Variants in SUCLA2 observed in about 807,000 individuals in gnomAD.
SUCLA2 encodes the protein succinate-CoA ligase ADP-forming subunit beta.
Under a neutral mutation model 54.8 loss-of-function variants are expected in SUCLA2, and 30 were observed. The observed-to-expected ratio is 0.55, with a 90% CI of 0.41 to 0.74. The LOEUF (loss-of-function observed/expected upper bound fraction) is 0.74. Ranked by LOEUF, SUCLA2 falls within the 30% of genes least tolerant of loss-of-function variation. The pLI is 0.00. For synonymous variants in SUCLA2, 172 were observed against 188.9 expected (o/e 0.91, Z 0.74); for missense variants, 476 against 562.9 (o/e 0.85, Z 1.56).
At chr13:47,965,236 A>T (rs1159312866) in intron 6 of SUCLA2, among the ~76,000 whole-genome samples, 3 of 151,954 alleles carry the variant, frequency 2.0e-5, no homozygotes, top group Admixed American at 2.0e-4. Flanking sequence ...TAATGGGTAA[A>T]AGTTTGACAA....
At chr13:47,943,766 G>GTGTGTGTATATATATATATATATA (rs1300486540) in intron 10 of SUCLA2, among the ~76,000 whole-genome samples, 1 of 139,672 alleles carries the variant, frequency 7.2e-6, no homozygotes, top group African/African-American at 2.7e-5. Flanking sequence ...GTGTGTGTGT[G>GTGTGTGTATATATATATATATATA]TATATATATA....
At chr13:47,951,057 A>C (rs1188706355) in intron 8 of SUCLA2, among the ~76,000 whole-genome samples, 1 of 152,024 alleles carries the variant, frequency 6.6e-6, no homozygotes, top group Non-Finnish European at 1.5e-5. Context: ...TTCCATATTC[A>C]CCACCAGGCA....
chr13:47,966,855 A>C (rs1249116521), intron 6 of SUCLA2, among the ~76,000 whole-genome samples: 2 of 152,000 alleles, frequency 1.3e-5, no homozygotes, highest in Non-Finnish European at 2.9e-5. Flanking sequence ...TCTACAAAAA[A>C]TTTTAAAAAG....
chr13:47,972,625 C>T lies in SUCLA2; in HGVS notation c.663+639G>A, dbSNP rs553396952. On this transcript the variant is annotated intron_variant, in intron 5 of 10. Transcript: ENST00000646932. Reference sequence around the variant, plus strand: ...CGGAGGTTGTGATGAGCCAAGATGGCGCCACTACACTCCAGCCTGGGTGAC... The same window carrying T: ...CGGAGGTTGTGATGAGCCAAGATGGTGCCACTACACTCCAGCCTGGGTGAC... Among the ~76,000 whole-genome samples the T allele has an allele frequency of 1.5e-4, 21 of 144,096 alleles. No individual in the cohort carries two copies. The East Asian group carries it at 2.3e-3, about 16-fold the overall frequency. The allele number at this position is 144,096 out of a possible 152,430, so 94.5% of individuals were successfully genotyped here. A position where few individuals can be genotyped will look rare whatever the true frequency, so the allele number is the denominator to read the frequency against.
At chr13:47,989,115 C>T in intron 2 of SUCLA2, 134 bp from the exon 3 acceptor site, 1 of 822,838 alleles carries the variant, frequency 1.2e-6, no homozygotes, top group East Asian at 2.6e-5. Flanking sequence ...AAAAATAAGG[C>T]ATTCTCTTTA....
At chr13:47,975,804 T>C (rs1950007523) in intron 4 of SUCLA2, among the ~76,000 whole-genome samples, 1 of 152,140 alleles carries the variant, frequency 6.6e-6, no homozygotes, top group Non-Finnish European at 1.5e-5. Flanking sequence ...CCCTAGACAG[T>C]TTACACTAAG....
At position 47,943,193 on chromosome 13, in the gene SUCLA2, AAC is replaced by A. The variant is rs1223163600; in HGVS notation, c.*176_*177del. 1 of 684,050 alleles carries A rather than the reference AAC, an allele frequency of 1.5e-6. No homozygotes were observed. The highest frequency in any genetic ancestry group is 1.8e-5 in the African/African-American group (1 of 56,126). 42.4% of individuals were successfully genotyped at this position (684,050 alleles called of 1,614,324 possible). On this transcript the variant is annotated 3_prime_UTR_variant, in exon 11 of 11. Transcript: ENST00000646932. ...AACTGCATTATACATGCTTCGTACA[AAC>A]AGTCCATTCTGAATGGTACAATTAA...
Position 47,954,290 on chromosome 13 carries a change from G to C in SUCLA2, c.965-8C>G, listed in dbSNP as rs1225032007. ...CCAAACCAGCACCATTTACTATATAGGGGAAAATGATTTGTATAAGCAACA... is the reference window on the plus strand; with the variant it reads ...CCAAACCAGCACCATTTACTATATACGGGAAAATGATTTGTATAAGCAACA... On this transcript the variant is annotated splice_region_variant and splice_polypyrimidine_tract_variant and intron_variant, in intron 7 of 10. Transcript: ENST00000646932. The C allele has an allele frequency of 1.2e-6, 2 of 1,613,612 alleles. No individual in the cohort carries two copies. The highest frequency in any genetic ancestry group is 2.2e-5 in the East Asian group (1 of 44,878).
intron 6 of SUCLA2, among the ~76,000 whole-genome samples, chr13:47,959,509 AGG>A (rs370197899): frequency 0.72 from 86,657 of 120,464 alleles, 32,751 homozygotes; most frequent in Non-Finnish European, 0.8. Flanking sequence ...CGGGGGGAGG[AGG>A]AGGAGGAGGA....
chr13:47,978,998 T>C (rs1950040157), intron 4 of SUCLA2, among the ~76,000 whole-genome samples: 1 of 152,170 alleles, frequency 6.6e-6, no homozygotes, highest in Admixed American at 6.5e-5. Flanking sequence ...TGGTGATCAT[T>C]AAAAAGTCAG....
intron 4 of SUCLA2, among the ~76,000 whole-genome samples, chr13:47,979,552 G>A (rs1488195284): frequency 6.6e-6 from 1 of 151,978 alleles, no homozygotes; most frequent in Non-Finnish European, 1.5e-5. Context: ...CAGGTTGATG[G>A]GTGCAGCAAA....
rs1949702090 is a variant in SUCLA2, at chr13:47,943,539, A to G, written c.1318-94T>C. ...TGTACACTCAATTTTTTCCATTTAA[A>G]ACATCTGGACTATTCTGACATTGCT... On this transcript the variant is annotated intron_variant, in intron 10 of 10. Coordinates refer to ENST00000646932, the MANE Select transcript of SUCLA2 (RefSeq NM_003850.3). The G allele has an allele frequency of 3.7e-6, 4 of 1,091,100 alleles. No individual in the cohort carries two copies. In the South Asian group the frequency reaches 3.8e-5, roughly 10 times the overall value. The allele number at this position is 1,091,100 out of a possible 1,614,324, so 67.6% of individuals were successfully genotyped here. A position where few individuals can be genotyped will look rare whatever the true frequency, so the allele number is the denominator to read the frequency against.
At position 48,001,174 on chromosome 13, in the gene SUCLA2, C is replaced by T. The variant is rs1051697976; in HGVS notation, c.90+6G>A. The T allele has an allele frequency of 5.0e-6, 8 of 1,608,152 alleles. No individual in the cohort carries two copies. The highest frequency in any genetic ancestry group is 1.7e-4 in the Middle Eastern group (1 of 6,048). ...CTCGAGACGACAGCGGACTGGAAGG[C>T]ATTACCTGAGCAGCAGCCCGCTGGG... is the stretch of plus-strand genomic sequence containing the variant. On this transcript the variant is annotated splice_donor_region_variant and intron_variant, in intron 1 of 10. Transcript: ENST00000646932.
At chr13:47,969,549 T>C (rs1484917160) in intron 5 of SUCLA2, among the ~76,000 whole-genome samples, 1 of 152,220 alleles carries the variant, frequency 6.6e-6, no homozygotes, top group African/African-American at 2.4e-5. Flanking sequence ...AGTTTTTTAC[T>C]GGATCAAGCA....
At chr13:47,988,791 A>G in intron 3 of SUCLA2, 88 bp from the exon 4 acceptor site, 1 of 1,592,570 alleles carries the variant, frequency 6.3e-7, no homozygotes, top group Non-Finnish European at 8.6e-7. Context: ...ATCTCATCTA[A>G]TATTTAAATT....
At chr13:48,000,534 T>C (rs1042971184) in intron 1 of SUCLA2, among the ~76,000 whole-genome samples, 5 of 152,180 alleles carry the variant, frequency 3.3e-5, no homozygotes, top group African/African-American at 2.4e-5. Context: ...ACATCAAATA[T>C]TCAAAACAAG....
chr13:47,985,484 G>A (rs117189782), intron 4 of SUCLA2, among the ~76,000 whole-genome samples: 4,307 of 149,974 alleles, frequency 0.029, 96 homozygotes, highest in South Asian at 0.083. Flanking sequence ...GAAAACACAC[G>A]GTGTTTGGTT....
At chr13:47,959,371 G>A (rs1949847712) in intron 6 of SUCLA2, among the ~76,000 whole-genome samples, 1 of 40,182 alleles carries the variant, frequency 2.5e-5, no homozygotes. Flanking sequence ...TGCTGTCCTG[G>A]AGTAAAATGA....
chr13:47,976,287 C>A (rs1326692860), intron 4 of SUCLA2, among the ~76,000 whole-genome samples: 1 of 152,028 alleles, frequency 6.6e-6, no homozygotes, highest in East Asian at 1.9e-4. Context: ...GTCACAGTAC[C>A]CCAGGTAAGC....
Sources: allele counts gnomAD v4.1 joint callset (sites outside exome capture counted in the v4.1 genomes callset), GRCh38; gene constraint gnomAD v4.1.1; transcripts MANE v1.5; gene names NCBI Gene and HGNC (gene_info 2026-07-23, HGNC 2026-07-21).